Variants in DCC observed in about 807,000 individuals in gnomAD.
The protein encoded by DCC is netrin receptor DCC.
A neutral mutation model predicts 172.5 loss-of-function variants in DCC; 58 were observed. The observed-to-expected ratio is 0.34, with a 90% confidence interval of 0.27 to 0.42. The LOEUF (loss-of-function observed/expected upper bound fraction) is 0.42, where lower values mean the gene tolerates loss of function less well. Ranked by LOEUF, DCC falls within the 10% of genes least tolerant of loss-of-function variation. The pLI is 1.00. For synonymous variants in DCC, 709 were observed against 644.5 expected, an observed-to-expected ratio of 1.10 and a Z score of -1.52; for missense variants, 1,740 against 1,791.0, an observed-to-expected ratio of 0.97 and a Z score of 0.51.
At chr18:52,642,382 G>A (rs368967985) in intron 1 of DCC, among the ~76,000 whole-genome samples, 59 of 152,006 alleles carry the variant, frequency 3.9e-4, no homozygotes, top group African/African-American at 6.5e-4. Flanking sequence ...TATACTGCTC[G>A]GGTGATGGGT....
chr18:52,811,059 T>C (rs533552359), intron 2 of DCC, among the ~76,000 whole-genome samples: 1 of 152,266 alleles, frequency 6.6e-6, no homozygotes, highest in Admixed American at 6.5e-5. Context: ...GATGAATTTT[T>C]AAAATGTGGG....
chr18:52,865,699 G>T (rs1471987296), intron 2 of DCC, among the ~76,000 whole-genome samples: 1 of 151,714 alleles, frequency 6.6e-6, no homozygotes. Context: ...TGATGGGGTT[G>T]TTTTTTTCTT....
intron 1 of DCC, among the ~76,000 whole-genome samples, chr18:52,478,476 T>G (rs1456333958): frequency 6.6e-6 from 1 of 152,216 alleles, no homozygotes; most frequent in Non-Finnish European, 1.5e-5. Context: ...TACTGGGCAC[T>G]TATTATATGC....
intron 7 of DCC, among the ~76,000 whole-genome samples, chr18:53,122,462 T>A (rs1349880232): frequency 1.3e-5 from 2 of 152,012 alleles, no homozygotes; most frequent in Non-Finnish European, 2.9e-5. Flanking sequence ...TCTTCTTGCC[T>A]GAGAAAAACT....
At chr18:52,484,527 C>T (rs2030114850) in intron 1 of DCC, among the ~76,000 whole-genome samples, 1 of 152,014 alleles carries the variant, frequency 6.6e-6, no homozygotes. Context: ...CACATGGAAA[C>T]TGGTGAAATT....
chr18:52,346,461 G>A (rs1983883319), intron 1 of DCC, among the ~76,000 whole-genome samples: 1 of 152,266 alleles, frequency 6.6e-6, no homozygotes, highest in Non-Finnish European at 1.5e-5. Context: ...ACAAATTTTA[G>A]CCTGAGGTTT....
intron 2 of DCC, among the ~76,000 whole-genome samples, chr18:52,843,404 G>T (rs2038838173): frequency 6.6e-6 from 1 of 152,042 alleles, no homozygotes; most frequent in Admixed American, 6.6e-5. Flanking sequence ...GAAAGCTCAA[G>T]GCAGGTCTGA....
At chr18:52,629,976 A>AT in intron 1 of DCC, among the ~76,000 whole-genome samples, 1 of 135,894 alleles carries the variant, frequency 7.4e-6, no homozygotes, top group African/African-American at 2.9e-5. Flanking sequence ...AAAAAAAAAA[A>AT]TTAGCCAGAC....
chr18:52,689,216 G>A (rs1339282865), intron 1 of DCC, among the ~76,000 whole-genome samples: 4 of 152,074 alleles, frequency 2.6e-5, no homozygotes, highest in East Asian at 1.9e-4. Flanking sequence ...TAAATCACAC[G>A]AAACAACTTG....
chr18:53,033,108 G>C (rs2042046910), intron 5 of DCC, among the ~76,000 whole-genome samples: 1 of 152,146 alleles, frequency 6.6e-6, no homozygotes, highest in South Asian at 2.1e-4. Context: ...AAGTCAAAAG[G>C]GAATACAATG....
At chr18:53,514,625 T>C (rs371999627) in intron 27 of DCC, among the ~76,000 whole-genome samples, 7 of 152,114 alleles carry the variant, frequency 4.6e-5, no homozygotes, top group African/African-American at 9.7e-5. Context: ...ATATCACCAC[T>C]GATCCCACAG....
intron 7 of DCC, among the ~76,000 whole-genome samples, chr18:53,088,277 G>C (rs8087771): frequency 7.9e-5 from 12 of 152,088 alleles, no homozygotes; most frequent in East Asian, 7.7e-4. Context: ...CTTTGATTTT[G>C]TTGAGCAGTG....
chr18:52,924,632 C>T (rs2040173846), intron 4 of DCC, among the ~76,000 whole-genome samples: 1 of 151,968 alleles, frequency 6.6e-6, no homozygotes. Flanking sequence ...TCCTTTTTAA[C>T]ATATTTATTT....
rs1263151879 is a variant in DCC, at chr18:53,428,048, T to C, written c.3164-7096T>C. On this transcript the variant is annotated intron_variant, in intron 21 of 28. Coordinates refer to ENST00000442544, the MANE Select transcript of DCC (RefSeq NM_005215.4). ...ATAGAATATATCATATAATAATATA[T>C]TATAATAATGTGTCATATATCATAT... Among the ~76,000 whole-genome samples the C allele has an allele frequency of 3.3e-5, 2 of 61,022 alleles. 1 individual carries two copies. The highest frequency in any genetic ancestry group is 6.4e-5 in the Non-Finnish European group (2 of 31,298). 40.0% of individuals were successfully genotyped at this position (61,022 alleles called of 152,430 possible). A position where few individuals can be genotyped will look rare whatever the true frequency, so the allele number is the denominator to read the frequency against.
At chr18:53,434,610 A>T (rs924482141) in intron 21 of DCC, among the ~76,000 whole-genome samples, 1 of 152,102 alleles carries the variant, frequency 6.6e-6, no homozygotes, top group Admixed American at 6.6e-5. Context: ...TTGTGACATA[A>T]CCTCCACTCT....
intron 1 of DCC, among the ~76,000 whole-genome samples, chr18:52,550,685 C>T (rs1598906688): frequency 6.6e-6 from 1 of 152,248 alleles, no homozygotes; most frequent in East Asian, 1.9e-4. Context: ...CAATACTGCT[C>T]ATGAGGATAG....
At chr18:52,655,956 A>ATGTG (rs58903211) in intron 1 of DCC, among the ~76,000 whole-genome samples, 3,767 of 135,200 alleles carry the variant, frequency 0.028, 188 homozygotes, top group African/African-American at 0.098. Context: ...TTAAATATAT[A>ATGTG]TGTGTGTGTG....
chr18:53,282,983 A>G (rs78090554), intron 12 of DCC, among the ~76,000 whole-genome samples: 5,626 of 152,268 alleles, frequency 0.037, 346 homozygotes, highest in African/African-American at 0.13. Context: ...ACTGTATCAC[A>G]TAGTCTTTAT....
intron 12 of DCC, among the ~76,000 whole-genome samples, chr18:53,289,290 T>C (rs2056972309): frequency 6.6e-6 from 1 of 152,166 alleles, no homozygotes; most frequent in Admixed American, 6.5e-5. Context: ...AAGCATGGAA[T>C]CACACGAATA....
Sources: allele counts gnomAD v4.1 joint callset (sites outside exome capture counted in the v4.1 genomes callset), GRCh38; gene constraint gnomAD v4.1.1; transcripts MANE v1.5; gene names NCBI Gene and HGNC (gene_info 2026-07-23, HGNC 2026-07-21).